Variants in PHLPP1 observed in about 807,000 individuals in gnomAD.
PHLPP1 encodes PH domain and leucine rich repeat protein phosphatase 1.
PHLPP1 carries 42 observed loss-of-function variants against 117.2 expected under a neutral mutation model. The ratio of observed to expected loss-of-function variants is 0.36; its 90% confidence interval spans 0.28 to 0.46. The LOEUF (loss-of-function observed/expected upper bound fraction) is 0.46, where lower values mean the gene tolerates loss of function less well. Ranked by LOEUF, PHLPP1 falls within the 20% of genes least tolerant of loss-of-function variation. The pLI is 1.00. For synonymous variants in PHLPP1, 1,042 were observed against 970.7 expected, an observed-to-expected ratio of 1.07 and a Z score of -1.37; for missense variants, 2,084 against 2,241.9, an observed-to-expected ratio of 0.93 and a Z score of 1.42.
Position 62,838,879 on chromosome 18 carries a change from A to G in PHLPP1, c.1869A>G (p.Glu623=). 6.2e-7 allele frequency: 1 copy of G among 1,613,922 alleles called. No individual in the cohort carries two copies. The highest frequency in any genetic ancestry group is 1.1e-5 in the South Asian group (1 of 91,084). Residue 623 remains glutamate (E), a synonymous_variant, in exon 3 of 17, where the codon GAA becomes GAG. Coordinates refer to ENST00000262719, the MANE Select transcript of PHLPP1 (RefSeq NM_194449.4). Reference sequence around the variant, plus strand: ...ACATTTGCTTTGATACTTTCACAGAATACTTAAGGTGGCTGCGACAAGTCT... The same window carrying G: ...ACATTTGCTTTGATACTTTCACAGAGTACTTAAGGTGGCTGCGACAAGTCT... ...TYYICFDTFT[E]YLRWLRQVSK...
At chr18:62,885,979 G>C (rs573112731) in intron 4 of PHLPP1, among the ~76,000 whole-genome samples, 1 of 152,156 alleles carries the variant, frequency 6.6e-6, no homozygotes, top group Non-Finnish European at 1.5e-5. Context: ...GTTGTGTGCT[G>C]TTCTGTCTCT....
intron 4 of PHLPP1, among the ~76,000 whole-genome samples, chr18:62,891,349 A>G (rs751320472): frequency 2.6e-5 from 4 of 152,226 alleles, no homozygotes; most frequent in Non-Finnish European, 5.9e-5. Context: ...ACAGTTTGGG[A>G]GGCCAAGGCG....
At position 62,935,933 on chromosome 18, in the gene PHLPP1, G is replaced by T. The variant is rs149481487; in HGVS notation, c.2961-5785G>T. Among the ~76,000 whole-genome samples, 203 of 152,316 alleles carry T rather than the reference G, an allele frequency of 1.3e-3. No homozygotes were observed. The Middle Eastern group carries it at 0.014, about 10-fold the overall frequency. ...CAGGAGAATCACTTGAACCCAGGAG[G>T]TGGAGGTTGCAGTGAGCCGAGATCA... On this transcript the variant is annotated intron_variant, in intron 10 of 16. Coordinates refer to ENST00000262719, the MANE Select transcript of PHLPP1 (RefSeq NM_194449.4).
intron 1 of PHLPP1, among the ~76,000 whole-genome samples, chr18:62,787,419 C>T (rs529235407): frequency 1.3e-5 from 2 of 152,250 alleles, no homozygotes; most frequent in East Asian, 1.9e-4. Context: ...CCGCCCACCT[C>T]GGCCTCCCAA....
chr18:62,780,634 C>T (rs538933756), intron 1 of PHLPP1, among the ~76,000 whole-genome samples: 17 of 152,342 alleles, frequency 1.1e-4, no homozygotes, highest in Non-Finnish European at 1.0e-4. Flanking sequence ...CTGCTCCCCA[C>T]CCTGAGTTTC....
chr18:62,848,455 A>ATTTTTTTTT (rs56223512), intron 3 of PHLPP1, among the ~76,000 whole-genome samples: 3 of 88,548 alleles, frequency 3.4e-5, no homozygotes, highest in African/African-American at 4.6e-5. Flanking sequence ...TTTTTTGTTG[A>ATTTTTTTTT]TTTTTTTTTT....
intron 10 of PHLPP1, among the ~76,000 whole-genome samples, chr18:62,931,925 T>C (rs1599127963): frequency 7.8e-6 from 1 of 127,584 alleles, no homozygotes; most frequent in Non-Finnish European, 1.7e-5. Context: ...AAATTGAAAA[T>C]GACAGAGATG....
intron 3 of PHLPP1, among the ~76,000 whole-genome samples, chr18:62,856,093 G>C (rs1162779700): frequency 2.0e-5 from 3 of 152,092 alleles, no homozygotes; most frequent in Non-Finnish European, 4.4e-5. Flanking sequence ...AACTAACCGG[G>C]GATCAAAACC....
chr18:62,756,362 C>T lies in PHLPP1; in HGVS notation c.1576+39103C>T, dbSNP rs191310775. On this transcript the variant is annotated intron_variant, in intron 1 of 16. Transcript: ENST00000262719. ...AGGAAGGATAGTCCTGCCATGTGCC[C>T]AGAAGGAGAGGAGGCCCACACATTT... 2.4e-4 allele frequency among the ~76,000 whole-genome samples: 37 copies of T among 152,246 alleles called. 1 individual carries two copies. In the East Asian group the frequency reaches 3.5e-3, roughly 14 times the overall value.
chr18:62,836,759 C>T (rs932273935), intron 2 of PHLPP1, among the ~76,000 whole-genome samples: 1 of 150,992 alleles, frequency 6.6e-6, no homozygotes, highest in Non-Finnish European at 1.5e-5. Context: ...AAAAAAACTT[C>T]TATATTTTAA....
intron 1 of PHLPP1, among the ~76,000 whole-genome samples, chr18:62,726,232 G>GA (rs542299197): frequency 1.2e-4 from 18 of 151,568 alleles, no homozygotes; most frequent in South Asian, 2.1e-4. Context: ...TGATCCTGGG[G>GA]AAAAAAATCT....
intron 1 of PHLPP1, among the ~76,000 whole-genome samples, chr18:62,804,894 A>ACAGTATAATATACACTGCATAGG (rs1568122638): frequency 2.7e-5 from 4 of 146,478 alleles, no homozygotes; most frequent in Non-Finnish European, 1.5e-5. Context: ...CACTGCATAT[A>ACAGTATAATATACACTGCATAGG]TTATACATAT....
chr18:62,824,185 A>G (rs1414591780), intron 1 of PHLPP1: 2 of 456,062 alleles, frequency 4.4e-6, no homozygotes, highest in Admixed American at 4.7e-5. Context: ...AACTCTCTGC[A>G]CTGGTGCTGG....
intron 1 of PHLPP1, among the ~76,000 whole-genome samples, chr18:62,795,538 T>TTCTTAAC (rs1420750502): frequency 1.3e-5 from 2 of 149,904 alleles, no homozygotes; most frequent in East Asian, 1.9e-4. Flanking sequence ...GTAAAAACCA[T>TTCTTAAC]TCTTAACTCA....
intron 12 of PHLPP1, among the ~76,000 whole-genome samples, chr18:62,949,909 T>A (rs1297555779): frequency 1.3e-5 from 2 of 152,192 alleles, no homozygotes; most frequent in East Asian, 3.8e-4. Context: ...GCAGTCACAT[T>A]GGTAATATAG....
intron 9 of PHLPP1, among the ~76,000 whole-genome samples, chr18:62,917,249 A>G (rs1261031325): frequency 1.3e-5 from 2 of 150,032 alleles, no homozygotes; most frequent in African/African-American, 2.4e-5. Context: ...CAAATTCAAG[A>G]TAACTGACAT....
chr18:62,914,528 C>G (rs1225824122), intron 8 of PHLPP1, among the ~76,000 whole-genome samples: 1 of 152,182 alleles, frequency 6.6e-6, no homozygotes, highest in Non-Finnish European at 1.5e-5. Context: ...CCTCGAACTC[C>G]TCTACTCCAG....
intron 4 of PHLPP1, among the ~76,000 whole-genome samples, chr18:62,875,868 G>A (rs1310232720): frequency 2.0e-5 from 3 of 151,946 alleles, no homozygotes; most frequent in African/African-American, 7.3e-5. Flanking sequence ...GAGTAGCTGG[G>A]ATTACAGGTG....
At chr18:62,787,959 A>G (rs1913344082) in intron 1 of PHLPP1, among the ~76,000 whole-genome samples, 3 of 152,330 alleles carry the variant, frequency 2.0e-5, no homozygotes, top group Admixed American at 6.5e-5. Context: ...CTTTATCCAG[A>G]CTGCTGCCTT....
Sources: allele counts gnomAD v4.1 joint callset (sites outside exome capture counted in the v4.1 genomes callset), GRCh38; gene constraint gnomAD v4.1.1; transcripts MANE v1.5; gene names NCBI Gene and HGNC (gene_info 2026-07-23, HGNC 2026-07-21).